Variants in SUSD4 observed in about 807,000 individuals in gnomAD.
SUSD4 encodes the protein sushi domain-containing protein 4.
Under a neutral mutation model 50.5 loss-of-function variants are expected in SUSD4, and 41 were observed. The ratio of observed to expected loss-of-function variants is 0.81; its 90% CI spans 0.63 to 1.05. The LOEUF is 1.05. Ranked by LOEUF, SUSD4 falls within the 50% of genes least tolerant of loss-of-function variation. The probability of loss-of-function intolerance (pLI) is 0.00; values close to 1 mark genes in which losing one functional copy is unlikely to be tolerated. For missense variants in SUSD4, 580 were observed against 634.7 expected (o/e 0.91, Z 0.93); for synonymous variants, 257 against 257.3 (o/e 1.00, Z 0.01).
At chr1:223,337,312 T>C (rs1205982476) in intron 2 of SUSD4, among the ~76,000 whole-genome samples, 7 of 152,302 alleles carry the variant, frequency 4.6e-5, no homozygotes, top group South Asian at 2.1e-4. Context: ...GTTGAATGTA[T>C]GAAGGAATGA....
At chr1:223,245,607 AAG>A (rs1660870039) in intron 5 of SUSD4, among the ~76,000 whole-genome samples, 2 of 152,102 alleles carry the variant, frequency 1.3e-5, no homozygotes, top group South Asian at 4.1e-4. Flanking sequence ...TCATAGTGTG[AAG>A]GGACACTGCA....
intron 5 of SUSD4, among the ~76,000 whole-genome samples, chr1:223,230,055 T>G (rs935409863): frequency 6.6e-6 from 1 of 152,214 alleles, no homozygotes; most frequent in Non-Finnish European, 1.5e-5. Flanking sequence ...TTCTCCTCTG[T>G]CAAATGGAAG....
chr1:223,308,305 G>A (rs561990227), intron 2 of SUSD4, among the ~76,000 whole-genome samples: 2 of 152,140 alleles, frequency 1.3e-5, no homozygotes, highest in South Asian at 4.2e-4. Context: ...CTCTTGAGAT[G>A]TGGTTGTTTT....
At chr1:223,277,908 T>C (rs571578683) in intron 3 of SUSD4, among the ~76,000 whole-genome samples, 2 of 152,312 alleles carry the variant, frequency 1.3e-5, no homozygotes, top group African/African-American at 4.8e-5. Flanking sequence ...TCAGACCATA[T>C]CCCTAAATTA....
In SUSD4 at chr1:223,332,004, A is replaced by G. The variant is rs141227839; in HGVS notation, c.148+31274T>C. ...TGACCTCTCACCTGTGTTCTGCTTCATGAAATCCCAATGTGGCATTTCTGG... is the reference window on the plus strand; with the variant it reads ...TGACCTCTCACCTGTGTTCTGCTTCGTGAAATCCCAATGTGGCATTTCTGG... On this transcript the variant is annotated intron_variant, in intron 2 of 8. Transcript: ENST00000366878. This position sits in a 1 kb window ranked among gnomAD's most constrained non-coding sequence, Gnocchi z 4.0. 5.3e-5 allele frequency among the ~76,000 whole-genome samples: 8 copies of G among 152,324 alleles called. No individual in the cohort carries two copies. The East Asian group carries it at 1.5e-3, about 29-fold the overall frequency.
chr1:223,339,002 T>C (rs776931635), intron 2 of SUSD4, among the ~76,000 whole-genome samples: 1 of 151,768 alleles, frequency 6.6e-6, no homozygotes, highest in Non-Finnish European at 1.5e-5. Context: ...TGGTGAGAGA[T>C]GGGAAGAGGC....
chr1:223,255,021 T>C (rs758140752), intron 5 of SUSD4, among the ~76,000 whole-genome samples: 4 of 152,342 alleles, frequency 2.6e-5, no homozygotes, highest in Admixed American at 1.3e-4. Context: ...GGCAAGGTGA[T>C]AGTAACACGA....
At chr1:223,363,783 C>A in intron 1 of SUSD4, 1 of 216,420 alleles carries the variant, frequency 4.6e-6, no homozygotes, top group Non-Finnish European at 9.1e-6. Context: ...TAGAGCCTCC[C>A]CGCGTCTCGG....
rs372333827 is a variant in SUSD4 at position 223,224,543 on chromosome 1, C to T, written c.1062-912G>A. ...AGCTGTGAGCACTATGTCACTACCCCGTTCAAGCTACGCAGGCTCACCGCC... is the reference window on the plus strand; with the variant it reads ...AGCTGTGAGCACTATGTCACTACCCTGTTCAAGCTACGCAGGCTCACCGCC... On this transcript the variant is annotated intron_variant, in intron 7 of 8. Coordinates refer to ENST00000366878, the MANE Select transcript of SUSD4 (RefSeq NM_017982.4). 5.3e-5 allele frequency among the ~76,000 whole-genome samples: 8 copies of T among 152,306 alleles called. No individual in the cohort carries two copies. In the East Asian group the frequency reaches 1.2e-3, roughly 22 times the overall value.
intron 5 of SUSD4, among the ~76,000 whole-genome samples, chr1:223,233,188 T>C (rs753583371): frequency 2.0e-5 from 3 of 152,168 alleles, no homozygotes; most frequent in African/African-American, 2.4e-5. Context: ...GAGACTGTCA[T>C]AATCGGCTGG....
intron 2 of SUSD4, among the ~76,000 whole-genome samples, chr1:223,311,540 C>T (rs571339770): frequency 2.0e-5 from 3 of 152,192 alleles, no homozygotes; most frequent in East Asian, 1.9e-4. Flanking sequence ...TCCTAATTTA[C>T]GGTTTAAGTG....
chr1:223,275,275 T>G lies in SUSD4; in HGVS notation c.362-6600A>C, dbSNP rs369235900. Among the ~76,000 whole-genome samples, 5 of 152,336 alleles carry G rather than the reference T, an allele frequency of 3.3e-5. No individual in the cohort carries two copies. The East Asian group carries it at 7.7e-4, about 24-fold the overall frequency. ...CAATTTGACCTCTGAATGTAGGTTA[T>G]GTAGGTTGTTGGAAAAACTGGGTTT... On this transcript the variant is annotated intron_variant, in intron 3 of 8. Coordinates refer to ENST00000366878, the MANE Select transcript of SUSD4 (RefSeq NM_017982.4).
At chr1:223,353,985 C>T (rs557983088) in intron 2 of SUSD4, among the ~76,000 whole-genome samples, 2 of 151,324 alleles carry the variant, frequency 1.3e-5, no homozygotes, top group Admixed American at 6.6e-5. Context: ...GAGCCGAGAT[C>T]GTGGCACTGC....
At chr1:223,272,700 C>T (rs950988690) in intron 3 of SUSD4, among the ~76,000 whole-genome samples, 1 of 152,140 alleles carries the variant, frequency 6.6e-6, no homozygotes, top group African/African-American at 2.4e-5. Context: ...ATTCACAATC[C>T]ACAGAGTAGA....
chr1:223,287,586 TAAG>T (rs1443777779), intron 3 of SUSD4, among the ~76,000 whole-genome samples: 1 of 152,122 alleles, frequency 6.6e-6, no homozygotes, highest in Non-Finnish European at 1.5e-5. Flanking sequence ...ATGCTGGGAT[TAAG>T]AAGAGCCCTG....
chr1:223,309,003 A>G (rs1665716567), intron 2 of SUSD4, among the ~76,000 whole-genome samples: 1 of 152,214 alleles, frequency 6.6e-6, no homozygotes, highest in South Asian at 2.1e-4. Context: ...TCATCCAAAA[A>G]GACTTGTATA....
At chr1:223,292,323 C>G in intron 3 of SUSD4, 116 bp downstream of exon 3, 2 of 1,104,382 alleles carry the variant, frequency 1.8e-6, no homozygotes, top group Non-Finnish European at 2.7e-6. Context: ...CATGCAGGTG[C>G]AGCCCTGCAT....
intron 4 of SUSD4, among the ~76,000 whole-genome samples, chr1:223,266,650 G>C (rs1052585649): frequency 6.6e-6 from 1 of 152,208 alleles, no homozygotes; most frequent in Non-Finnish European, 1.5e-5. Context: ...TCGAAAATGG[G>C]CTTCAACTCA....
chr1:223,363,509 G>A, intron 1 of SUSD4, 49 bp from the exon 2 acceptor site: 1 of 1,384,772 alleles, frequency 7.2e-7, no homozygotes, highest in South Asian at 1.8e-5. Flanking sequence ...TCCGGGCTCG[G>A]GGGCCACGCT....
Sources: gnomAD v4.1 joint callset for allele counts (sites outside exome capture counted in the v4.1 genomes callset) on GRCh38, gnomAD v4.1.1 for gene constraint, Gnocchi (gnomAD v3.1) non-coding constraint, MANE v1.5 for transcripts, NCBI Gene and HGNC (gene_info 2026-07-23, HGNC 2026-07-21) for gene names.